Variants in NCAM2 observed in about 807,000 individuals in gnomAD.
NCAM2 encodes the protein N-CAM-2.
Under a neutral mutation model 98.1 loss-of-function variants are expected in NCAM2, and 30 were observed. The observed-to-expected ratio is 0.31, with a 90% CI of 0.23 to 0.41. The LOEUF (loss-of-function observed/expected upper bound fraction) is 0.41, where lower values mean the gene tolerates loss of function less well. Among genes scored for constraint, NCAM2 ranks in the 10% least tolerant of loss-of-function variants. The pLI is 1.00. For missense variants in NCAM2, 867 were observed against 1,005.8 expected (o/e 0.86, Z 1.87); for synonymous variants, 368 against 342.4 (o/e 1.07, Z -0.83).
At position 21,488,932 on chromosome 21, in the gene NCAM2, G is replaced by T. The variant is rs140799575; in HGVS notation, c.2077+11461G>T. Among the ~76,000 whole-genome samples the T allele has an allele frequency of 7.8e-4, 119 of 151,822 alleles. 1 individual carries two copies. Among genetic ancestry groups the T allele is most frequent in the African/African-American group, 2.5e-3 (103 of 41,452 alleles). On this transcript the variant is annotated intron_variant, in intron 15 of 17. Transcript: ENST00000400546. ...AGAGATAATGTAACATCCTTTAAATGATCTTTTAATAAGTCCAATTTAATT... is the reference window on the plus strand; with the variant it reads ...AGAGATAATGTAACATCCTTTAAATTATCTTTTAATAAGTCCAATTTAATT...
In NCAM2 at chr21:21,521,399, G is replaced by A. The variant is rs535482868; in HGVS notation, c.2282+12344G>A. Among the ~76,000 whole-genome samples the A allele has an allele frequency of 5.3e-5, 8 of 152,186 alleles. No homozygotes were observed. In the East Asian group the frequency reaches 1.6e-3, roughly 30 times the overall value. The stretch of plus-strand genomic sequence containing the variant: ...GCTGTCAGGAAAAAAATTACAAGGA[G>A]TACTGAACAGCAAAAAACACAGTTT... On this transcript the variant is annotated intron_variant, in intron 16 of 17. Transcript: ENST00000400546.
At chr21:21,263,924 G>A (rs1423898590) in intron 1 of NCAM2, among the ~76,000 whole-genome samples, 6 of 151,960 alleles carry the variant, frequency 3.9e-5, no homozygotes, top group Non-Finnish European at 8.8e-5. Flanking sequence ...TGTCCTTTGG[G>A]ACATTAGCCT....
chr21:21,432,525 CT>C (rs1346593245), intron 12 of NCAM2, among the ~76,000 whole-genome samples: 1 of 151,008 alleles, frequency 6.6e-6, no homozygotes, highest in Non-Finnish European at 1.5e-5. Context: ...GAAGAAGTCA[CT>C]TTAAAAAAAT....
intron 1 of NCAM2, among the ~76,000 whole-genome samples, chr21:21,179,763 A>G (rs1038208650): frequency 3.9e-5 from 6 of 152,252 alleles, no homozygotes; most frequent in Non-Finnish European, 7.3e-5. Flanking sequence ...GTAGGACGTC[A>G]TGGATTGACT....
intron 5 of NCAM2, among the ~76,000 whole-genome samples, chr21:21,311,442 G>A (rs1384842710): frequency 2.0e-5 from 3 of 147,180 alleles, no homozygotes; most frequent in East Asian, 4.2e-4. Flanking sequence ...CTGGGTTCAC[G>A]CCATTCTCCT....
Position 21,445,474 on chromosome 21 carries a change from C to T in NCAM2, c.1654+13193C>T, listed in dbSNP as rs905188507. The stretch of plus-strand genomic sequence containing the variant: ...TGTTATTGTGTGGGAGTCTAACTCT[C>T]TTTGTAGGTCTGTAAGAGCTTGTTT... On this transcript the variant is annotated intron_variant, in intron 12 of 17. Coordinates refer to ENST00000400546, the MANE Select transcript of NCAM2 (RefSeq NM_004540.5). Among the ~76,000 whole-genome samples, 5 of 152,072 alleles carry T rather than the reference C, an allele frequency of 3.3e-5. No homozygotes were observed. In the East Asian group the frequency reaches 9.6e-4, roughly 29 times the overall value.
chr21:21,232,022 T>A (rs2070647246), intron 1 of NCAM2, among the ~76,000 whole-genome samples: 1 of 151,440 alleles, frequency 6.6e-6, no homozygotes. Context: ...AGCTCCTAAC[T>A]CAGAACCACC....
chr21:21,330,812 A>G (rs1482547299), intron 6 of NCAM2, among the ~76,000 whole-genome samples: 5 of 152,150 alleles, frequency 3.3e-5, no homozygotes, highest in Non-Finnish European at 7.4e-5. Flanking sequence ...AAATGATACC[A>G]TATAGAACTT....
chr21:21,367,178 A>C (rs2075807529), intron 8 of NCAM2, among the ~76,000 whole-genome samples: 1 of 151,992 alleles, frequency 6.6e-6, no homozygotes, highest in Non-Finnish European at 1.5e-5. Flanking sequence ...CATGAAAGTA[A>C]ATTTTACAAG....
intron 1 of NCAM2, among the ~76,000 whole-genome samples, chr21:21,247,052 G>T (rs2071300057): frequency 6.6e-6 from 1 of 152,076 alleles, no homozygotes; most frequent in Non-Finnish European, 1.5e-5. Flanking sequence ...AGGCGCGTTG[G>T]CTCACGCCTG....
At chr21:21,178,320 A>G (rs1450533247) in intron 1 of NCAM2, among the ~76,000 whole-genome samples, 1 of 152,138 alleles carries the variant, frequency 6.6e-6, no homozygotes, top group Non-Finnish European at 1.5e-5. Flanking sequence ...AGAATTTGAG[A>G]CAGAGCAATG....
At position 21,109,832 on chromosome 21, in the gene NCAM2, T is replaced by C. The variant is rs1239946746; in HGVS notation, c.55+111214T>C. Among the ~76,000 whole-genome samples the C allele has an allele frequency of 2.0e-5, 3 of 152,204 alleles. No individual in the cohort carries two copies. The East Asian group carries it at 5.8e-4, about 29-fold the overall frequency. ...AGATTTGGCATGGGTTAACAACTCA[T>C]TTACTATTTAAAGATAAGAACCTTT... On this transcript the variant is annotated intron_variant, in intron 1 of 17. Coordinates refer to ENST00000400546, the MANE Select transcript of NCAM2 (RefSeq NM_004540.5).
chr21:21,073,613 A>C (rs1449356900), intron 1 of NCAM2, among the ~76,000 whole-genome samples: 1 of 152,210 alleles, frequency 6.6e-6, no homozygotes, highest in African/African-American at 2.4e-5. Context: ...TGCACATGCT[A>C]TGACATGTAC....
At chr21:21,342,833 A>T (rs559302800) in intron 8 of NCAM2, among the ~76,000 whole-genome samples, 73 of 152,170 alleles carry the variant, frequency 4.8e-4, no homozygotes, top group Non-Finnish European at 6.6e-4. Flanking sequence ...AAATATTCCC[A>T]TGACTTAAGT....
At chr21:21,108,532 A>C (rs916312558) in intron 1 of NCAM2, among the ~76,000 whole-genome samples, 1 of 152,148 alleles carries the variant, frequency 6.6e-6, no homozygotes, top group Non-Finnish European at 1.5e-5. Context: ...TAAGAACACT[A>C]TATAAAACAT....
At chr21:21,463,022 G>A (rs1261115450) in intron 12 of NCAM2, among the ~76,000 whole-genome samples, 1 of 152,046 alleles carries the variant, frequency 6.6e-6, no homozygotes, top group Non-Finnish European at 1.5e-5. Flanking sequence ...TTAAGGTTCT[G>A]TTGTTCTGTT....
intron 9 of NCAM2, among the ~76,000 whole-genome samples, chr21:21,395,244 G>A (rs62207395): frequency 0.18 from 26,855 of 152,114 alleles, 2,939 homozygotes; most frequent in Non-Finnish European, 0.24. Context: ...TGAGGTAGGA[G>A]AATCACTTGA....
At chr21:21,146,139 G>T (rs535203781) in intron 1 of NCAM2, among the ~76,000 whole-genome samples, 1 of 152,106 alleles carries the variant, frequency 6.6e-6, no homozygotes, top group Non-Finnish European at 1.5e-5. Flanking sequence ...TAAAAGGTAA[G>T]ATTTTAGAAT....
In NCAM2 at chr21:21,185,819, T is replaced by TA. The variant is rs953981976; in HGVS notation, c.56-94755dup. Among the ~76,000 whole-genome samples, 97 of 152,232 alleles carry TA rather than the reference T, an allele frequency of 6.4e-4. 1 individual carries two copies. Among genetic ancestry groups the TA allele is most frequent in the African/African-American group, 2.3e-3 (94 of 41,552 alleles). On this transcript the variant is annotated intron_variant, in intron 1 of 17. Coordinates refer to ENST00000400546, the MANE Select transcript of NCAM2 (RefSeq NM_004540.5). The stretch of plus-strand genomic sequence containing the variant: ...GAAATAACATCTAAAGGAATATGCA[T>TA]AAAAGTGGGTAATTTTCAATATATC...
Sources: allele counts gnomAD v4.1 joint callset (sites outside exome capture counted in the v4.1 genomes callset), GRCh38; gene constraint gnomAD v4.1.1; transcripts MANE v1.5; gene names NCBI Gene and HGNC (gene_info 2026-07-23, HGNC 2026-07-21).